The following GSK3B variants were observed in gnomAD, a reference collection of about 807,000 sequenced individuals.
The protein encoded by GSK3B is glycogen synthase kinase 3 beta, also known as glycogen synthase kinase-3 beta.
A neutral mutation model predicts 56.4 loss-of-function variants in GSK3B; 15 were observed. That is an observed-to-expected ratio of 0.27 (90% confidence interval 0.18 to 0.41). The LOEUF is 0.41. Among genes scored for constraint, GSK3B ranks in the 10% least tolerant of loss-of-function variants. The pLI is 1.00. For missense variants in GSK3B, 300 were observed against 513.4 expected, an observed-to-expected ratio of 0.58 and a Z score of 4.02; for synonymous variants, 181 against 188.9, an observed-to-expected ratio of 0.96 and a Z score of 0.34.
At chr3:120,023,602 C>A (rs766673199) in intron 1 of GSK3B, among the ~76,000 whole-genome samples, 15 of 152,012 alleles carry the variant, frequency 9.9e-5, no homozygotes, top group Non-Finnish European at 2.2e-4. Flanking sequence ...TTTCATGATG[C>A]CCCTTAAATT....
chr3:119,878,954 T>C lies in GSK3B; in HGVS notation c.814-2446A>G, dbSNP rs114209019. On this transcript the variant is annotated intron_variant, in intron 7 of 10. Transcript: ENST00000264235. ...AGGGACACTAGGAAACTACTGGGAT[T>C]ATGAATGTTCATTATCTTGGTTTCA... 3.1e-3 allele frequency among the ~76,000 whole-genome samples: 474 copies of C among 152,348 alleles called. 4 individuals are homozygous for C. The highest frequency in any genetic ancestry group is 0.011 in the African/African-American group (461 of 41,578).
chr3:120,022,473 C>T (rs1218769914), intron 1 of GSK3B, among the ~76,000 whole-genome samples: 2 of 152,146 alleles, frequency 1.3e-5, no homozygotes, highest in Non-Finnish European at 2.9e-5. Context: ...ATTACAGTTA[C>T]TTATAATCAA....
chr3:119,887,523 G>C (rs182377099), intron 7 of GSK3B, among the ~76,000 whole-genome samples: 63 of 152,002 alleles, frequency 4.1e-4, no homozygotes, highest in Non-Finnish European at 1.0e-4. Context: ...TCACAGGAGA[G>C]GATTAACAGG....
intron 2 of GSK3B, among the ~76,000 whole-genome samples, chr3:119,978,478 T>C (rs1208214304): frequency 6.6e-6 from 1 of 152,204 alleles, no homozygotes; most frequent in Non-Finnish European, 1.5e-5. Context: ...AGCCGCGTTT[T>C]GTGTTTCTTT....
Position 120,089,635 on chromosome 3 carries a change from CAG to C in GSK3B, c.88+3710_88+3711del, listed in dbSNP as rs537573261. Among the ~76,000 whole-genome samples the C allele has an allele frequency of 2.0e-5, 3 of 152,262 alleles. No individual in the cohort carries two copies. The South Asian group carries it at 6.2e-4, about 32-fold the overall frequency. On this transcript the variant is annotated intron_variant, in intron 1 of 10. Transcript: ENST00000264235. The stretch of plus-strand genomic sequence containing the variant: ...ATATGAGGAAACAACTTAAGTGATA[CAG>C]ACTTATTTTCATATTTCTAAATCTT...
At chr3:119,902,353 G>T (rs1411780139) in intron 7 of GSK3B, among the ~76,000 whole-genome samples, 1 of 152,058 alleles carries the variant, frequency 6.6e-6, no homozygotes, top group African/African-American at 2.4e-5. Flanking sequence ...AGGAGGGAGG[G>T]AGGGAGGCAA....
At chr3:120,045,329 C>T (rs1366201785) in intron 1 of GSK3B, among the ~76,000 whole-genome samples, 2 of 152,130 alleles carry the variant, frequency 1.3e-5, no homozygotes, top group African/African-American at 2.4e-5. Flanking sequence ...TCCTCCATGC[C>T]TCCTTGCCTC....
intron 2 of GSK3B, among the ~76,000 whole-genome samples, chr3:119,952,174 C>A (rs988596999): frequency 2.0e-5 from 3 of 152,028 alleles, no homozygotes; most frequent in South Asian, 2.1e-4. Flanking sequence ...CTGAAAACCA[C>A]TAATCTATCA....
At chr3:120,034,330 TA>T (rs574162880) in intron 1 of GSK3B, among the ~76,000 whole-genome samples, 120 of 152,342 alleles carry the variant, frequency 7.9e-4, no homozygotes, top group Middle Eastern at 3.4e-3. Flanking sequence ...TGTTTTCTCC[TA>T]GGAGTTTTAG....
At chr3:119,862,921 T>C (rs962185793) in intron 9 of GSK3B, among the ~76,000 whole-genome samples, 1 of 152,212 alleles carries the variant, frequency 6.6e-6, no homozygotes, top group Non-Finnish European at 1.5e-5. Context: ...TCAGAGGGGA[T>C]GGAAATTTCC....
At chr3:119,972,009 G>C (rs999656862) in intron 2 of GSK3B, among the ~76,000 whole-genome samples, 18 of 152,104 alleles carry the variant, frequency 1.2e-4, no homozygotes, top group Admixed American at 1.2e-3. Context: ...CTAGCCTCCA[G>C]AACTGTAAGA....
intron 2 of GSK3B, among the ~76,000 whole-genome samples, chr3:119,986,520 AC>A (rs1165003321): frequency 6.6e-6 from 1 of 152,178 alleles, no homozygotes; most frequent in East Asian, 1.9e-4. Flanking sequence ...AAAGTGGGCA[AC>A]AGATATGAAC....
At chr3:119,832,953 T>C in intron 10 of GSK3B, 1 of 980,352 alleles carries the variant, frequency 1.0e-6, no homozygotes, top group Non-Finnish European at 1.2e-6. Context: ...GCATTTTTTG[T>C]TTTGTTTGTT....
At position 120,052,669 on chromosome 3, in the gene GSK3B, T is replaced by C. The variant is rs370481211; in HGVS notation, c.88+40678A>G. Among the ~76,000 whole-genome samples, 26 of 152,312 alleles carry C rather than the reference T, an allele frequency of 1.7e-4. No individual in the cohort carries two copies. In the East Asian group the frequency reaches 2.1e-3, roughly 12 times the overall value. On this transcript the variant is annotated intron_variant, in intron 1 of 10. Transcript: ENST00000264235. Reference sequence around the variant, plus strand: ...AATTCTCATTACACTCTCAGACACATAAAATTTGCAATATGACTCTAGTTG... The same window carrying C: ...AATTCTCATTACACTCTCAGACACACAAAATTTGCAATATGACTCTAGTTG...
intron 9 of GSK3B, among the ~76,000 whole-genome samples, chr3:119,848,264 T>C (rs1027486298): frequency 1.3e-5 from 2 of 152,194 alleles, no homozygotes; most frequent in African/African-American, 4.8e-5. Context: ...CTTAAGTATT[T>C]AGCCTGTAAG....
At chr3:120,041,757 T>C (rs931775817) in intron 1 of GSK3B, among the ~76,000 whole-genome samples, 2 of 152,224 alleles carry the variant, frequency 1.3e-5, no homozygotes, top group Non-Finnish European at 2.9e-5. Flanking sequence ...TGGGCGACAG[T>C]TCTTTATAGA....
intron 9 of GSK3B, among the ~76,000 whole-genome samples, chr3:119,850,936 A>C (rs773662776): frequency 6.6e-6 from 1 of 152,168 alleles, no homozygotes; most frequent in Non-Finnish European, 1.5e-5. Context: ...AATAGGAAGG[A>C]TAAAAGATAG....
chr3:120,026,534 C>CACACACACACAA (rs2057927260), intron 1 of GSK3B, among the ~76,000 whole-genome samples: 1 of 143,302 alleles, frequency 7.0e-6, no homozygotes, highest in African/African-American at 2.9e-5. Flanking sequence ...CACACACACA[C>CACACACACACAA]ACACACACAC....
Position 119,992,762 on chromosome 3 carries a change from C to A in GSK3B, c.282+9284G>T, listed in dbSNP as rs1045670043. On this transcript the variant is annotated intron_variant, in intron 2 of 10. Transcript: ENST00000264235. ...ATCAAAATCACATTTTTAAAATGGA[C>A]CAAAAAAAGGACAATTCATACAGAC... Among the ~76,000 whole-genome samples, 24 of 151,378 alleles carry A rather than the reference C, an allele frequency of 1.6e-4. 1 individual carries two copies. Among genetic ancestry groups the A allele is most frequent in the Non-Finnish European group, 3.4e-4 (23 of 67,820 alleles).
Sources: gnomAD v4.1 joint callset for allele counts (sites outside exome capture counted in the v4.1 genomes callset) on GRCh38, gnomAD v4.1.1 for gene constraint, MANE v1.5 for transcripts, NCBI Gene and HGNC (gene_info 2026-07-23, HGNC 2026-07-21) for gene names.